Variants in STRN4 observed in about 807,000 individuals in gnomAD.
STRN4 encodes striatin 4, also known as striatin-4.
A neutral mutation model predicts 77.9 loss-of-function variants in STRN4; 27 were observed. That is an observed-to-expected ratio of 0.35 (90% CI 0.26 to 0.48). STRN4 has a LOEUF of 0.48. Among genes scored for constraint, STRN4 ranks in the 20% least tolerant of loss-of-function variants. The probability of loss-of-function intolerance (pLI) is 0.99; values close to 1 mark genes in which losing one functional copy is unlikely to be tolerated. For synonymous variants in STRN4, 466 were observed against 443.1 expected (o/e 1.05, Z -0.65); for missense variants, 798 against 1,049.7 (o/e 0.76, Z 3.31).
chr19:46,732,599 G>C, intron 5 of STRN4: 1 of 164,732 alleles, frequency 6.1e-6, no homozygotes, highest in South Asian at 1.3e-4. Flanking sequence ...GCACATATTG[G>C]CCCTCGTGGT....
chr19:46,743,485 C>G (rs1451109318), intron 1 of STRN4, among the ~76,000 whole-genome samples: 5 of 152,174 alleles, frequency 3.3e-5, no homozygotes, highest in Non-Finnish European at 5.9e-5. Flanking sequence ...GTCCCAGAGG[C>G]CAAGATTCAG....
intron 1 of STRN4, among the ~76,000 whole-genome samples, chr19:46,742,065 C>T (rs1405975401): frequency 6.6e-6 from 1 of 152,210 alleles, no homozygotes; most frequent in Non-Finnish European, 1.5e-5. Context: ...AGAGTTGCCA[C>T]AGAACAGGGG....
intron 6 of STRN4, 106 bp downstream of exon 6, chr19:46,730,626 T>C (rs1194056220): frequency 1.9e-5 from 29 of 1,510,476 alleles, no homozygotes; most frequent in Admixed American, 9.0e-5. Context: ...TCCATATCCC[T>C]GCTGCCAGCA....
intron 6 of STRN4, among the ~76,000 whole-genome samples, chr19:46,730,094 G>A (rs1384438025): frequency 6.6e-6 from 1 of 152,244 alleles, no homozygotes; most frequent in Non-Finnish European, 1.5e-5. Flanking sequence ...GAAATTCTCA[G>A]AGGGGTGGGA....
At chr19:46,728,824 A>C in intron 6 of STRN4, 47 bp from the exon 7 acceptor site, 1 of 1,604,082 alleles carries the variant, frequency 6.2e-7, no homozygotes, top group Non-Finnish European at 8.5e-7. Flanking sequence ...TCTTGTCCAG[A>C]GACTAAGCCA....
In STRN4 at chr19:46,738,042, C is replaced by A; in HGVS notation, c.460+122G>T. On this transcript the variant is annotated intron_variant, in intron 3 of 17. Coordinates refer to ENST00000263280, the MANE Select transcript of STRN4 (RefSeq NM_013403.3). The surrounding 1 kb of genome is among the most constrained non-coding windows in gnomAD (Gnocchi z 4.5). ...AGTGAGATTCCGCCCCTCCCCAGCC[C>A]CGGGGCCGATTCTGCCTTCTAAGGA... 9.8e-7 allele frequency: 1 copy of A among 1,020,354 alleles called. No individual in the cohort carries two copies. Among genetic ancestry groups the A allele is most frequent in the Non-Finnish European group, 1.5e-6 (1 of 651,860 alleles). 63.2% of individuals were successfully genotyped at this position (1,020,354 alleles called of 1,614,324 possible).
chr19:46,746,272 G>T lies in STRN4; in HGVS notation c.159C>A (p.Ser53Arg), dbSNP rs1263482513. The T allele has an allele frequency of 6.8e-7, 1 of 1,465,576 alleles. No individual in the cohort carries two copies. The highest frequency in any genetic ancestry group is 3.0e-5 in the East Asian group (1 of 32,998). 90.8% of individuals were successfully genotyped at this position (1,465,576 alleles called of 1,614,324 possible). ...GCTCCGGGCCCGCCGTGGGCCCGGG[G>T]CTGCCTCCGCCGCCGCCTCCCTTAC... ...PAGKGGGGGG[S>R]PGPTAGPEPL... The change falls in exon 1 of 18, where the codon AGC becomes AGA. Residue 53 changes from serine to arginine, a missense_variant. Ser to Arg is a moderately radical substitution (Grantham distance 110, BLOSUM62 -1). This residue lies in a region of STRN4 where 511 missense variants were observed against 575.9 expected (regional missense o/e 0.89). Transcript: ENST00000263280.
At chr19:46,730,310 T>A (rs976200908) in intron 6 of STRN4, among the ~76,000 whole-genome samples, 1 of 151,836 alleles carries the variant, frequency 6.6e-6, no homozygotes, top group Non-Finnish European at 1.5e-5. Flanking sequence ...TCAGGAGGAA[T>A]ACAGACCAGA....
chr19:46,722,704 G>A (rs544486658), intron 14 of STRN4, 106 bp downstream of exon 14: 9 of 1,500,886 alleles, frequency 6.0e-6, no homozygotes, highest in South Asian at 4.9e-5. Context: ...TGAGGGTGCA[G>A]GGGAGTCATC....
At chr19:46,729,226 C>CT (rs2054194046) in intron 6 of STRN4, among the ~76,000 whole-genome samples, 1 of 152,226 alleles carries the variant, frequency 6.6e-6, no homozygotes, top group East Asian at 1.9e-4. Flanking sequence ...TGAATGACCA[C>CT]TGACTACCCC....
At chr19:46,725,769 C>CA (rs1375553286) in intron 9 of STRN4, 121 bp from the exon 10 acceptor site, 74 of 1,303,386 alleles carry the variant, frequency 5.7e-5, no homozygotes, top group Middle Eastern at 5.4e-4. Context: ...GGAATGCCCT[C>CA]AGAGCCTGGG....
chr19:46,738,682 A>T lies in STRN4; in HGVS notation c.386+103T>A. 1 of 1,073,878 alleles carries T rather than the reference A, an allele frequency of 9.3e-7. No individual in the cohort carries two copies. The highest frequency in any genetic ancestry group is 1.4e-6 in the Non-Finnish European group (1 of 699,292). 66.5% of individuals were successfully genotyped at this position (1,073,878 alleles called of 1,614,324 possible). A position where few individuals can be genotyped will look rare whatever the true frequency, so the allele number is the denominator to read the frequency against. The stretch of plus-strand genomic sequence containing the variant: ...ACTGGAATGATGGAAAAGAATGTCG[A>T]CCCCAAATCTCCCTTAGCTGGAAGG... On this transcript the variant is annotated intron_variant, in intron 2 of 17. Transcript: ENST00000263280. This position sits in a 1 kb window ranked among gnomAD's most constrained non-coding sequence, Gnocchi z 4.5.
At chr19:46,734,674 G>A (rs1252174177) in intron 4 of STRN4, among the ~76,000 whole-genome samples, 1 of 151,996 alleles carries the variant, frequency 6.6e-6, no homozygotes, top group African/African-American at 2.4e-5. Flanking sequence ...ACTCTTTTTT[G>A]TTGTTGTTAA....
chr19:46,745,022 C>T (rs1256684481), intron 1 of STRN4, among the ~76,000 whole-genome samples: 1 of 151,888 alleles, frequency 6.6e-6, no homozygotes. Flanking sequence ...ACAAACATAT[C>T]CCCTTCCCCC....
At chr19:46,721,065 G>A (rs1057150089) in intron 16 of STRN4, 2 of 300,304 alleles carry the variant, frequency 6.7e-6, no homozygotes, top group Admixed American at 5.1e-5. Flanking sequence ...CAGCACTGAC[G>A]CTGCAGCTGG....
rs762050176 is a variant in STRN4, at chr19:46,725,562, G to A, written c.1335C>T (p.Ala445=). The A allele has an allele frequency of 1.9e-6, 3 of 1,614,068 alleles. No individual in the cohort carries two copies. The highest frequency in any genetic ancestry group is 2.2e-5 in the South Asian group (2 of 91,094). ...GCAGAGCCGACTGGCTGTGGTGGAA[G>A]GCCAGGGAACGAATGCCGTCGTAGT... ...RSHYDGIRSL[A]FHHSQSALLT... is the part of the protein sequence containing the mutation. The change falls in exon 10 of 18, where the codon GCC becomes GCT. Residue 445 remains alanine (A), a synonymous_variant. Coordinates refer to ENST00000263280, the MANE Select transcript of STRN4 (RefSeq NM_013403.3).
rs371401041 is a variant in STRN4 at position 46,728,017 on chromosome 19, C to A, written c.1040-10G>T. 39 of 1,612,594 alleles carry A rather than the reference C, an allele frequency of 2.4e-5. No homozygotes were observed. The highest frequency in any genetic ancestry group is 3.2e-5 in the Non-Finnish European group (38 of 1,179,524). On this transcript the variant is annotated splice_polypyrimidine_tract_variant and intron_variant, in intron 7 of 17. Coordinates refer to ENST00000263280, the MANE Select transcript of STRN4 (RefSeq NM_013403.3). Reference sequence around the variant, plus strand: ...TTGACCCGACGGCTTTCTGCAGGGTCGAGGCATAGGGCCGGAGTCACCCAG... The same window carrying A: ...TTGACCCGACGGCTTTCTGCAGGGTAGAGGCATAGGGCCGGAGTCACCCAG...
At position 46,741,545 on chromosome 19, in the gene STRN4, G is replaced by A. The variant is rs960793217; in HGVS notation, c.283-2657C>T. 3.3e-5 allele frequency among the ~76,000 whole-genome samples: 5 copies of A among 152,182 alleles called. No individual in the cohort carries two copies. Among genetic ancestry groups the A allele is most frequent in the African/African-American group, 1.2e-4 (5 of 41,440 alleles). ...CGCTGCAAACGCCAGCAGCCCCCAC[G>A]GGCTGTCTGGTCTGCGAGGGCCAAG... On this transcript the variant is annotated intron_variant, in intron 1 of 17. Transcript: ENST00000263280. The surrounding 1 kb of genome is among the most constrained non-coding windows in gnomAD (Gnocchi z 4.9).
rs2054421277 is a variant in STRN4 at position 46,738,868 on chromosome 19, C to T, written c.303G>A (p.Gln101=). 1.2e-6 allele frequency: 2 copies of T among 1,613,986 alleles called. No homozygotes were observed. The highest frequency in any genetic ancestry group is 1.3e-5 in the African/African-American group (1 of 74,932). ...AELQAQVAFL[Q]GERKGQENLK... is the part of the protein sequence containing the mutation. ...GATTCTCCTGCCCTTTCCTCTCTCC[C>T]TGAAGGAAGGCCACCTGAGCCTGGG... The change falls in exon 2 of 18, where the codon CAG becomes CAA. Residue 101 remains glutamine, a synonymous_variant. Transcript: ENST00000263280. This position sits in a 1 kb window ranked among gnomAD's most constrained non-coding sequence, Gnocchi z 4.5.
Sources: allele counts gnomAD v4.1 joint callset (sites outside exome capture counted in the v4.1 genomes callset), GRCh38; gene constraint gnomAD v4.1.1; regional missense constraint gnomAD v4.1.1; non-coding constraint Gnocchi (gnomAD v3.1); transcripts MANE v1.5; gene names NCBI Gene and HGNC (gene_info 2026-07-23, HGNC 2026-07-21).